MTUS2: variants seen among roughly 807,000 people sequenced by gnomAD.
MTUS2 encodes microtubule associated scaffold protein 2, also known as microtubule-associated tumor suppressor candidate 2.
Under a neutral mutation model 114.1 loss-of-function variants are expected in MTUS2, and 40 were observed. That is an observed-to-expected ratio of 0.35 (90% CI 0.27 to 0.46). MTUS2 has a LOEUF of 0.46. MTUS2 is among the 20% of genes least tolerant of loss of function. MTUS2 has a pLI of 1.00. For synonymous variants in MTUS2, 688 were observed against 672.0 expected, an observed-to-expected ratio of 1.02 and a Z score of -0.37; for missense variants, 1,679 against 1,705.4, an observed-to-expected ratio of 0.98 and a Z score of 0.27.
At chr13:29,392,132 A>AAT (rs1593393285) in intron 8 of MTUS2, among the ~76,000 whole-genome samples, 1 of 67,092 alleles carries the variant, frequency 1.5e-5, no homozygotes, top group East Asian at 4.8e-4. Flanking sequence ...TGTCTCAAAA[A>AAT]AAAAAAAACA....
At chr13:29,495,324 C>G (rs2051404750) in intron 12 of MTUS2, among the ~76,000 whole-genome samples, 1 of 135,672 alleles carries the variant, frequency 7.4e-6, no homozygotes, top group African/African-American at 2.8e-5. Flanking sequence ...TGCCACTGCA[C>G]TCCAACCTGG....
chr13:29,143,208 G>C (rs1461268761), intron 5 of MTUS2, among the ~76,000 whole-genome samples: 1 of 152,176 alleles, frequency 6.6e-6, no homozygotes, highest in African/African-American at 2.4e-5. Flanking sequence ...TATTTTACTA[G>C]GTGTCAGGTA....
chr13:29,384,496 A>G (rs534108029), intron 8 of MTUS2, among the ~76,000 whole-genome samples: 1 of 152,312 alleles, frequency 6.6e-6, no homozygotes, highest in Admixed American at 6.5e-5. Flanking sequence ...AGGCCATGAG[A>G]GAAGCTCAGG....
In MTUS2 at chr13:29,244,521, AGACT is replaced by A. The variant is rs540076676; in HGVS notation, c.2645-37181_2645-37178del. 3.2e-3 allele frequency among the ~76,000 whole-genome samples: 481 copies of A among 152,254 alleles called. 1 individual carries two copies. Among genetic ancestry groups the A allele is most frequent in the Non-Finnish European group, 5.3e-3 (358 of 67,998 alleles). On this transcript the variant is annotated intron_variant, in intron 5 of 15. Coordinates refer to ENST00000612955, the MANE Select transcript of MTUS2 (RefSeq NM_001033602.4). ...AATGGGCCACTGAGATCCAGGTGAA[AGACT>A]GGTAAGGTGAGTGGCATGAACACAC...
chr13:29,196,910 T>C (rs1277204439), intron 5 of MTUS2, among the ~76,000 whole-genome samples: 1 of 152,250 alleles, frequency 6.6e-6, no homozygotes, highest in Non-Finnish European at 1.5e-5. Context: ...GCTATTAACA[T>C]GAGTCTACAA....
intron 7 of MTUS2, among the ~76,000 whole-genome samples, chr13:29,330,433 A>G (rs1473053309): frequency 1.3e-5 from 2 of 152,118 alleles, no homozygotes; most frequent in Non-Finnish European, 2.9e-5. Flanking sequence ...GAAGATCTTT[A>G]GTTTAATTAG....
chr13:28,952,894 T>C (rs1246525050), intron 2 of MTUS2, among the ~76,000 whole-genome samples: 1 of 152,246 alleles, frequency 6.6e-6, no homozygotes, highest in East Asian at 1.9e-4. Flanking sequence ...AACGTATTTG[T>C]ACATTCTTTT....
chr13:29,075,414 G>T (rs1236803836), intron 4 of MTUS2, among the ~76,000 whole-genome samples: 2 of 152,186 alleles, frequency 1.3e-5, no homozygotes. Context: ...AATCCTAAGA[G>T]TGTTCTTAGC....
chr13:28,832,272 G>T (rs950919254), intron 1 of MTUS2, among the ~76,000 whole-genome samples: 1 of 152,114 alleles, frequency 6.6e-6, no homozygotes, highest in Non-Finnish European at 1.5e-5. Flanking sequence ...ATAGGTCACA[G>T]AATAAGTTTC....
intron 8 of MTUS2, among the ~76,000 whole-genome samples, chr13:29,420,365 C>A (rs1875997767): frequency 6.6e-6 from 1 of 150,644 alleles, no homozygotes; most frequent in African/African-American, 2.5e-5. Flanking sequence ...GCAACCTCTG[C>A]CTCTTCAGTT....
intron 1 of MTUS2, among the ~76,000 whole-genome samples, chr13:28,830,199 T>C (rs776784216): frequency 6.6e-6 from 1 of 152,208 alleles, no homozygotes; most frequent in Non-Finnish European, 1.5e-5. Context: ...GAGTGGAATC[T>C]TATTTCTAGG....
At chr13:29,428,598 T>TGGGGCCC in intron 8 of MTUS2, 1 of 155,460 alleles carries the variant, frequency 6.4e-6, no homozygotes, top group Non-Finnish European at 1.4e-5. Flanking sequence ...CCTTCCTGGC[T>TGGGGCCC]CCCGCCCGCC....
intron 2 of MTUS2, among the ~76,000 whole-genome samples, chr13:28,958,854 T>A (rs1883190238): frequency 6.6e-6 from 1 of 152,224 alleles, no homozygotes; most frequent in African/African-American, 2.4e-5. Flanking sequence ...TTCAGAAGGA[T>A]AAGGCAATGC....
At chr13:29,328,976 G>A in intron 7 of MTUS2, among the ~76,000 whole-genome samples, 1 of 152,128 alleles carries the variant, frequency 6.6e-6, no homozygotes, top group East Asian at 1.9e-4. Context: ...ATGGTTTGTA[G>A]GGTGTGACTC....
chr13:29,370,059 T>C (rs1871075358), intron 8 of MTUS2, among the ~76,000 whole-genome samples: 1 of 152,182 alleles, frequency 6.6e-6, no homozygotes, highest in Non-Finnish European at 1.5e-5. Flanking sequence ...AGTTAAAAGA[T>C]AGAGATCTGG....
At chr13:28,986,174 G>T (rs751895171) in intron 2 of MTUS2, among the ~76,000 whole-genome samples, 50 of 152,004 alleles carry the variant, frequency 3.3e-4, no homozygotes, top group Admixed American at 1.1e-3. Flanking sequence ...GGAGGATGGG[G>T]GCAGGAAGGA....
chr13:29,303,703 G>C (rs1434365461), intron 6 of MTUS2, among the ~76,000 whole-genome samples: 2 of 152,132 alleles, frequency 1.3e-5, no homozygotes, highest in African/African-American at 4.8e-5. Context: ...AACCAAGTTG[G>C]AAAACATACT....
At chr13:29,328,129 TTTC>T (rs1475067293) in intron 7 of MTUS2, among the ~76,000 whole-genome samples, 2 of 152,196 alleles carry the variant, frequency 1.3e-5, no homozygotes, top group Non-Finnish European at 2.9e-5. Flanking sequence ...GATATAATTC[TTTC>T]TTATGTTATA....
chr13:29,334,900 T>C (rs1418182504), intron 7 of MTUS2, among the ~76,000 whole-genome samples: 1 of 152,214 alleles, frequency 6.6e-6, no homozygotes, highest in Non-Finnish European at 1.5e-5. Context: ...CTCTTAATCC[T>C]GTCATCTTCG....
Sources: allele counts gnomAD v4.1 joint callset (sites outside exome capture counted in the v4.1 genomes callset), GRCh38; gene constraint gnomAD v4.1.1; transcripts MANE v1.5; gene names NCBI Gene and HGNC (gene_info 2026-07-23, HGNC 2026-07-21).